MYO16: variants seen among roughly 807,000 people sequenced by gnomAD.
MYO16 encodes the protein myosin XVI.
A neutral mutation model predicts 205.3 loss-of-function variants in MYO16; 94 were observed. That is an observed-to-expected ratio of 0.46 (90% CI 0.39 to 0.54). MYO16 has a LOEUF of 0.54. Ranked by LOEUF, MYO16 falls within the 20% of genes least tolerant of loss-of-function variation. The pLI, the probability that MYO16 is intolerant of heterozygous loss-of-function variation, is 0.00. For synonymous variants in MYO16, 988 were observed against 954.0 expected, an observed-to-expected ratio of 1.04 and a Z score of -0.66; for missense variants, 2,315 against 2,387.5, an observed-to-expected ratio of 0.97 and a Z score of 0.63.
chr13:108,841,598 T>A (rs1486342341), intron 9 of MYO16, among the ~76,000 whole-genome samples: 1 of 152,100 alleles, frequency 6.6e-6, no homozygotes, highest in African/African-American at 2.4e-5. Context: ...AGATGCTGAG[T>A]GGGAGAGAAT....
intron 4 of MYO16, among the ~76,000 whole-genome samples, chr13:108,757,827 G>A (rs118176822): frequency 0.018 from 2,790 of 152,230 alleles, 47 homozygotes; most frequent in Non-Finnish European, 0.028. Context: ...TCACTGCACC[G>A]TCAGACCATG....
At chr13:108,867,543 A>G (rs1179822998) in intron 12 of MYO16, among the ~76,000 whole-genome samples, 1 of 152,168 alleles carries the variant, frequency 6.6e-6, no homozygotes, top group East Asian at 1.9e-4. Flanking sequence ...ACCCATGATC[A>G]TTTCAGGAGT....
chr13:108,844,312 C>T, intron 9 of MYO16, 31 bp from the exon 10 acceptor site: 1 of 1,581,624 alleles, frequency 6.3e-7, no homozygotes, highest in Non-Finnish European at 8.6e-7. Flanking sequence ...TAGAAAGAGA[C>T]TAATTGTAGT....
intron 3 of MYO16, among the ~76,000 whole-genome samples, chr13:108,719,442 G>T (rs181327781): frequency 6.6e-6 from 1 of 152,028 alleles, no homozygotes; most frequent in Non-Finnish European, 1.5e-5. Context: ...CACTCAGGCT[G>T]TTTCTTACTT....
intron 34 of MYO16, among the ~76,000 whole-genome samples, chr13:109,189,862 GC>G (rs1451501202): frequency 1.3e-5 from 2 of 151,894 alleles, no homozygotes; most frequent in African/African-American, 4.8e-5. Flanking sequence ...ACCTGAGCAT[GC>G]CATTATTCTG....
chr13:108,863,851 T>G (rs1265353526), intron 11 of MYO16, among the ~76,000 whole-genome samples: 1 of 152,202 alleles, frequency 6.6e-6, no homozygotes, highest in Non-Finnish European at 1.5e-5. Flanking sequence ...CAGCTCACTT[T>G]ATAGGGAAAT....
At chr13:108,579,487 T>G in the MYO16 span, among the ~76,000 whole-genome samples, 1 of 147,890 alleles carries the variant, frequency 6.8e-6, no homozygotes, top group Admixed American at 6.9e-5. Context: ...GTCACCCAGA[T>G]TAGAGTGCAG....
intron 20 of MYO16, among the ~76,000 whole-genome samples, chr13:108,987,777 C>T (rs183339749): frequency 6.6e-6 from 1 of 152,230 alleles, no homozygotes; most frequent in Non-Finnish European, 1.5e-5. Flanking sequence ...TAGGGAATCT[C>T]CTTGCCTGAG....
chr13:109,072,605 A>T (rs1193814762), intron 27 of MYO16, among the ~76,000 whole-genome samples: 1 of 146,930 alleles, frequency 6.8e-6, no homozygotes, highest in East Asian at 2.0e-4. Context: ...ACACACACTC[A>T]CACACTCTCA....
At chr13:109,148,713 G>A (rs910615038) in intron 32 of MYO16, among the ~76,000 whole-genome samples, 15 of 152,188 alleles carry the variant, frequency 9.9e-5, no homozygotes, top group South Asian at 8.3e-4. Flanking sequence ...TGTCAGTGAC[G>A]TGGGAAAAGT....
the MYO16 span, among the ~76,000 whole-genome samples, chr13:108,568,286 A>G: frequency 7.9e-5 from 12 of 152,254 alleles, no homozygotes; most frequent in East Asian, 1.2e-3. Context: ...AACTTTTCCA[A>G]GTGACAGTGA....
chr13:108,601,964 G>A (rs1163754020), intron 1 of MYO16, among the ~76,000 whole-genome samples: 4 of 152,140 alleles, frequency 2.6e-5, no homozygotes, highest in Admixed American at 6.6e-5. Context: ...GAAATCCCCA[G>A]TGTGGTCATA....
the MYO16 span, among the ~76,000 whole-genome samples, chr13:108,502,853 G>A: frequency 2.0e-5 from 3 of 152,088 alleles, no homozygotes; most frequent in South Asian, 6.2e-4. Context: ...TTATTATTTG[G>A]AACAGAGAAT....
chr13:109,080,326 G>A (rs1486541791), intron 27 of MYO16, among the ~76,000 whole-genome samples: 2 of 152,072 alleles, frequency 1.3e-5, no homozygotes, highest in Non-Finnish European at 2.9e-5. Context: ...TAGAGCAGCT[G>A]GTATTTCATA....
intron 2 of MYO16, among the ~76,000 whole-genome samples, chr13:108,703,588 C>T (rs1926511): frequency 0.28 from 42,462 of 152,020 alleles, 6,952 homozygotes; most frequent in East Asian, 0.72. Context: ...TCTTCCACAA[C>T]AGCAGAACAC....
At chr13:108,697,729 T>C (rs1883143456) in intron 2 of MYO16, among the ~76,000 whole-genome samples, 1 of 152,192 alleles carries the variant, frequency 6.6e-6, no homozygotes, top group Non-Finnish European at 1.5e-5. Context: ...CTTTTTCTTT[T>C]TTCTTTTTTT....
At chr13:109,183,218 G>A (rs139024284) in intron 34 of MYO16, among the ~76,000 whole-genome samples, 39 of 152,260 alleles carry the variant, frequency 2.6e-4, no homozygotes, top group South Asian at 2.1e-4. Flanking sequence ...GAAGCTAAGC[G>A]GCGGTGGGGG....
Position 109,125,138 on chromosome 13 carries a change from C to T in MYO16, c.3562C>T (p.His1188Tyr), listed in dbSNP as rs759593326. ...TATCAGAGGATTTTTAGCACGCCAG[C>T]ACCTGCTTCAGAGAATAAGCATCAG... is the stretch of plus-strand genomic sequence containing the variant. ...KVIRGFLARQ[H>Y]LLQRISIRQQ... Residue 1188 changes from histidine to tyrosine, a missense_variant, in exon 30 of 35, where the codon CAC becomes TAC. By Grantham distance (83) the His-to-Tyr change is moderately conservative. This residue lies in a region of MYO16 where 1,097 missense variants were observed against 1,092.0 expected (regional missense o/e 1.00). Transcript: ENST00000457511. The surrounding 1 kb of genome is among the most constrained non-coding windows in gnomAD (Gnocchi z 4.0). 2 of 1,614,124 alleles carry T rather than the reference C, an allele frequency of 1.2e-6. No individual in the cohort carries two copies. The highest frequency in any genetic ancestry group is 1.1e-5 in the South Asian group (1 of 91,074).
intron 1 of MYO16, among the ~76,000 whole-genome samples, chr13:108,605,381 A>G (rs1267410821): frequency 2.6e-5 from 4 of 152,148 alleles, no homozygotes; most frequent in African/African-American, 9.6e-5. Context: ...GTTGCAGGGT[A>G]CTGATATGGT....
Sources: gnomAD v4.1 joint callset for allele counts (sites outside exome capture counted in the v4.1 genomes callset) on GRCh38, gnomAD v4.1.1 for gene constraint, gnomAD v4.1.1 regional missense constraint, Gnocchi (gnomAD v3.1) non-coding constraint, MANE v1.5 for transcripts, NCBI Gene and HGNC (gene_info 2026-07-23, HGNC 2026-07-21) for gene names.